Variants in ZCCHC14 observed in about 807,000 individuals in gnomAD.
ZCCHC14 encodes zinc finger CCHC domain-containing protein 14.
In ZCCHC14, 16 loss-of-function variants were observed where a neutral mutation model predicts 85.0. That is an observed-to-expected ratio of 0.19 (90% CI 0.13 to 0.29). The LOEUF (loss-of-function observed/expected upper bound fraction) is 0.29. Ranked by LOEUF, ZCCHC14 falls within the 10% of genes least tolerant of loss-of-function variation. The pLI is 1.00. For missense variants in ZCCHC14, 1,303 were observed against 1,443.5 expected (o/e 0.90, Z 1.58); for synonymous variants, 775 against 630.7 (o/e 1.23, Z -3.43).
chr16:87,422,157 G>A (rs1909132401), intron 4 of ZCCHC14, among the ~76,000 whole-genome samples: 1 of 152,166 alleles, frequency 6.6e-6, no homozygotes, highest in Admixed American at 6.5e-5. Context: ...ACGTCAAATG[G>A]AAAACCTAGG....
chr16:87,481,534 G>T (rs1912271207), intron 1 of ZCCHC14, among the ~76,000 whole-genome samples: 3 of 29,076 alleles, frequency 1.0e-4, no homozygotes, highest in Non-Finnish European at 2.9e-4. Flanking sequence ...AACGGGGGGG[G>T]GGGGGGGTGG....
intron 3 of ZCCHC14, among the ~76,000 whole-genome samples, chr16:87,430,617 G>A (rs1342957103): frequency 1.3e-5 from 2 of 151,770 alleles, no homozygotes; most frequent in South Asian, 2.1e-4. Flanking sequence ...TGCCTCCCAG[G>A]TTCAAGCGAT....
In ZCCHC14 at chr16:87,412,600, C is replaced by T; in HGVS notation, c.2121G>A (p.Gln707=). The T allele has an allele frequency of 6.2e-7, 1 of 1,614,188 alleles. No individual in the cohort carries two copies. The highest frequency in any genetic ancestry group is 8.5e-7 in the Non-Finnish European group (1 of 1,180,052). Residue 707 remains glutamine (Q), a synonymous_variant, in exon 12 of 13, where the codon CAG becomes CAA. Transcript: ENST00000671377. ...MDVLPASAPH[Q]PVQVLSGLSE... ...AAAGCCCAGAGAGGACCTGCACAGGCTGGTGGGGTGCGGACGCGGGCAGCA... is the reference window on the plus strand; with the variant it reads ...AAAGCCCAGAGAGGACCTGCACAGGTTGGTGGGGTGCGGACGCGGGCAGCA...
At chr16:87,422,850 C>A (rs1909173330) in intron 4 of ZCCHC14, among the ~76,000 whole-genome samples, 1 of 152,030 alleles carries the variant, frequency 6.6e-6, no homozygotes, top group Admixed American at 6.5e-5. Flanking sequence ...GGAAACTACA[C>A]ACAGAGGCGA....
chr16:87,425,500 C>T (rs955365399), intron 3 of ZCCHC14, among the ~76,000 whole-genome samples: 16 of 151,496 alleles, frequency 1.1e-4, no homozygotes, highest in Admixed American at 7.2e-4. Flanking sequence ...TGCTTGAACC[C>T]GGGAGGGGGA....
intron 8 of ZCCHC14, among the ~76,000 whole-genome samples, chr16:87,417,098 C>T (rs866870555): frequency 5.9e-5 from 9 of 152,192 alleles, no homozygotes; most frequent in South Asian, 2.1e-4. Context: ...AGATCTGGCC[C>T]GCCGCAGTGT....
At chr16:87,440,877 A>C (rs1335348394) in intron 2 of ZCCHC14, among the ~76,000 whole-genome samples, 2 of 152,096 alleles carry the variant, frequency 1.3e-5, no homozygotes, top group African/African-American at 2.4e-5. Flanking sequence ...GGCCTCCCAA[A>C]GTACTGGGCT....
chr16:87,433,527 C>T (rs557078712), intron 2 of ZCCHC14, among the ~76,000 whole-genome samples: 1 of 152,206 alleles, frequency 6.6e-6, no homozygotes, highest in African/African-American at 2.4e-5. Context: ...TGTGCAGCCT[C>T]CCGGGTTCAC....
intron 2 of ZCCHC14, among the ~76,000 whole-genome samples, chr16:87,434,103 C>T (rs943518974): frequency 6.6e-5 from 10 of 152,218 alleles, no homozygotes; most frequent in Admixed American, 4.6e-4. Flanking sequence ...GAGGGATGAG[C>T]GGCCTCACCA....
chr16:87,477,141 AC>A (rs58332379), intron 1 of ZCCHC14, among the ~76,000 whole-genome samples: 15,850 of 93,848 alleles, frequency 0.17, 1,593 homozygotes, highest in South Asian at 0.33. Context: ...AAAAAAAAAA[AC>A]AAAACAAAAC....
In ZCCHC14 at chr16:87,436,969, C is replaced by G. The variant is rs973057647; in HGVS notation, c.695-3768G>C. Among the ~76,000 whole-genome samples, 15 of 152,308 alleles carry G rather than the reference C, an allele frequency of 9.8e-5. 1 individual carries two copies. The highest frequency in any genetic ancestry group is 3.4e-3 in the Middle Eastern group (1 of 294). On this transcript the variant is annotated intron_variant, in intron 2 of 12. Coordinates refer to ENST00000671377, the MANE Select transcript of ZCCHC14 (RefSeq NM_015144.3). The stretch of plus-strand genomic sequence containing the variant: ...ACACTCATTACAACCCACTTCCAGT[C>G]TGCCCCCAGTGTGGCCGCCTTCCCC...
intron 1 of ZCCHC14, among the ~76,000 whole-genome samples, chr16:87,461,157 C>A (rs1911237060): frequency 6.6e-6 from 1 of 152,200 alleles, no homozygotes; most frequent in African/African-American, 2.4e-5. Context: ...GTGCTCCCAA[C>A]ACACAACAAG....
At chr16:87,418,509 G>A (rs1253610096) in intron 7 of ZCCHC14, among the ~76,000 whole-genome samples, 1 of 152,216 alleles carries the variant, frequency 6.6e-6, no homozygotes, top group Non-Finnish European at 1.5e-5. Context: ...GCTACCCAGG[G>A]CCCGTGCGGA....
At chr16:87,442,033 C>T (rs1210702821) in intron 2 of ZCCHC14, among the ~76,000 whole-genome samples, 1 of 152,200 alleles carries the variant, frequency 6.6e-6, no homozygotes, top group South Asian at 2.1e-4. Flanking sequence ...AGCTTTCTGG[C>T]TGGAGGACCA....
chr16:87,406,356 A>C lies in ZCCHC14; in HGVS notation c.*3924T>G, dbSNP rs558842515. 6.5e-6 allele frequency: 1 copy of C among 152,756 alleles called. No homozygotes were observed. Among genetic ancestry groups the C allele is most frequent in the East Asian group, 1.9e-4 (1 of 5,188 alleles). The allele number at this position is 152,756 out of a possible 1,614,324, so 9.5% of individuals were successfully genotyped here. A position where few individuals can be genotyped will look rare whatever the true frequency, so the allele number is the denominator to read the frequency against. On this transcript the variant is annotated 3_prime_UTR_variant, in exon 13 of 13. Transcript: ENST00000671377. ...AAGTATAATAAAACATAAAAACCCC[A>C]AAAACAGAATACTTGACATTTACAA...
At chr16:87,478,274 C>T (rs980271112) in intron 1 of ZCCHC14, among the ~76,000 whole-genome samples, 10 of 152,182 alleles carry the variant, frequency 6.6e-5, no homozygotes, top group Non-Finnish European at 5.9e-5. Context: ...ACTAAAATCA[C>T]GCAACGAAGG....
rs777569036 is a variant in ZCCHC14, at chr16:87,412,467, C to A, written c.2254G>T (p.Val752Phe). 3.1e-6 allele frequency: 5 copies of A among 1,613,798 alleles called. No individual in the cohort carries two copies. In the South Asian group the frequency reaches 5.5e-5, roughly 18 times the overall value. The change falls in exon 12 of 13, where the codon GTC (valine) becomes TTC (phenylalanine). Residue 752 changes from valine (V) to phenylalanine (F), a missense_variant. This residue lies in a region of ZCCHC14 where 797 missense variants were observed against 730.8 expected (regional missense o/e 1.09). Transcript: ENST00000671377. ...GTGGCGGCCGTGCTGGTCTCCACGACCAGGGCCGGTTGCTGTGCTGTCTTC... is the reference window on the plus strand; with the variant it reads ...GTGGCGGCCGTGCTGGTCTCCACGAACAGGGCCGGTTGCTGTGCTGTCTTC... Reference protein sequence around the residue: ...VLKTAQQPALVVETSTAATGT... With the variant: ...VLKTAQQPALFVETSTAATGT...
In ZCCHC14 at chr16:87,459,196, G is replaced by A. The variant is rs116828184; in HGVS notation, c.694+812C>T. 5.2e-3 allele frequency among the ~76,000 whole-genome samples: 797 copies of A among 152,296 alleles called. 3 individuals carry two copies. Among genetic ancestry groups the A allele is most frequent in the African/African-American group, 0.018 (730 of 41,542 alleles). On this transcript the variant is annotated intron_variant, in intron 2 of 12. Transcript: ENST00000671377. Reference sequence around the variant, plus strand: ...GTCACATTAGCCATGTTTCAAGTGCGCGGAAGGCACGTGTGGCTGCTGACA... The same window carrying A: ...GTCACATTAGCCATGTTTCAAGTGCACGGAAGGCACGTGTGGCTGCTGACA...
intron 9 of ZCCHC14, among the ~76,000 whole-genome samples, chr16:87,414,953 G>A (rs1268779875): frequency 6.6e-6 from 1 of 152,138 alleles, no homozygotes; most frequent in Non-Finnish European, 1.5e-5. Context: ...GTGGTGGCGG[G>A]TGCCTGTAAT....
Sources: allele counts gnomAD v4.1 joint callset (sites outside exome capture counted in the v4.1 genomes callset), GRCh38; gene constraint gnomAD v4.1.1; regional missense constraint gnomAD v4.1.1; transcripts MANE v1.5; gene names NCBI Gene and HGNC (gene_info 2026-07-23, HGNC 2026-07-21).